POU6F2: variants seen among roughly 807,000 people sequenced by gnomAD.
The protein encoded by POU6F2 is POU domain, class 6, transcription factor 2.
In POU6F2, 31 loss-of-function variants were observed where a neutral mutation model predicts 71.3. The ratio of observed to expected loss-of-function variants is 0.43; its 90% confidence interval spans 0.33 to 0.59. POU6F2 has a LOEUF of 0.59. Among genes scored for constraint, POU6F2 ranks in the 20% least tolerant of loss-of-function variants. The pLI is 0.04. For synonymous variants in POU6F2, 347 were observed against 355.7 expected (o/e 0.98, Z 0.27); for missense variants, 783 against 856.8 (o/e 0.91, Z 1.07).
At chr7:39,374,404 G>A (rs369959838) in intron 5 of POU6F2, among the ~76,000 whole-genome samples, 10 of 152,258 alleles carry the variant, frequency 6.6e-5, no homozygotes, top group East Asian at 3.9e-4. Context: ...ATTTGGGTTC[G>A]CCTTTTCTTG....
At chr7:39,063,187 T>C (rs1790692439) in intron 1 of POU6F2, among the ~76,000 whole-genome samples, 1 of 152,130 alleles carries the variant, frequency 6.6e-6, no homozygotes, top group East Asian at 1.9e-4. Flanking sequence ...CAGAAGGTTT[T>C]AGAAAATTCT....
chr7:39,151,015 T>C (rs1792745868), intron 2 of POU6F2, among the ~76,000 whole-genome samples: 1 of 152,186 alleles, frequency 6.6e-6, no homozygotes, highest in African/African-American at 2.4e-5. Context: ...AATTTATTCT[T>C]GGTGAACTAT....
At chr7:39,105,706 C>G (rs1393109371) in intron 2 of POU6F2, among the ~76,000 whole-genome samples, 1 of 152,068 alleles carries the variant, frequency 6.6e-6, no homozygotes, top group Non-Finnish European at 1.5e-5. Flanking sequence ...CTAAAATGTG[C>G]TTAATTGCTA....
intron 6 of POU6F2, among the ~76,000 whole-genome samples, chr7:39,421,272 A>G (rs1328899014): frequency 6.6e-6 from 1 of 152,198 alleles, no homozygotes; most frequent in Non-Finnish European, 1.5e-5. Context: ...AAAAAGTAAT[A>G]TATGTTTGAG....
chr7:39,006,685 C>T lies in POU6F2; in HGVS notation c.105+28627C>T, dbSNP rs990841570. The stretch of plus-strand genomic sequence containing the variant: ...TCTGTCTGCCAAGTCCTGTAAAAAG[C>T]ATGTGTGTCATTTCAGCTGAGTTTT... On this transcript the variant is annotated intron_variant, in intron 1 of 9. Coordinates refer to ENST00000518318, the MANE Select transcript of POU6F2 (RefSeq NM_001370959.1). 7.3e-6 allele frequency: 5 copies of T among 682,912 alleles called. No homozygotes were observed. The African/African-American group carries it at 8.8e-5, about 12-fold the overall frequency. The allele number at this position is 682,912 out of a possible 1,614,324, so 42.3% of individuals were successfully genotyped here.
At chr7:39,144,202 C>T (rs1792566140) in intron 2 of POU6F2, among the ~76,000 whole-genome samples, 1 of 152,056 alleles carries the variant, frequency 6.6e-6, no homozygotes, top group Non-Finnish European at 1.5e-5. Context: ...TGAATAAAGT[C>T]ACAGGATAAA....
intron 4 of POU6F2, among the ~76,000 whole-genome samples, chr7:39,230,992 T>C (rs1209637393): frequency 6.6e-6 from 1 of 152,190 alleles, no homozygotes; most frequent in Non-Finnish European, 1.5e-5. Flanking sequence ...TTTTTGTTGT[T>C]GTAATTGGTG....
intron 7 of POU6F2, among the ~76,000 whole-genome samples, chr7:39,445,794 C>A (rs1287270090): frequency 6.6e-6 from 1 of 152,170 alleles, no homozygotes; most frequent in African/African-American, 2.4e-5. Flanking sequence ...ATTCATTATA[C>A]CCTCCTAGTT....
At chr7:39,142,035 G>A (rs62442228) in intron 2 of POU6F2, among the ~76,000 whole-genome samples, 16,990 of 152,004 alleles carry the variant, frequency 0.11, 1,032 homozygotes, top group Middle Eastern at 0.15. Context: ...TGCAGTGAGC[G>A]GAGATCGTGC....
intron 5 of POU6F2, among the ~76,000 whole-genome samples, chr7:39,355,401 A>G (rs777519669): frequency 3.3e-5 from 5 of 152,162 alleles, no homozygotes; most frequent in African/African-American, 4.8e-5. Flanking sequence ...AGATAGATCT[A>G]ATTGTACATA....
At position 39,238,641 on chromosome 7, in the gene POU6F2, GC is replaced by G. The variant is rs575939565; in HGVS notation, c.598+31022del. On this transcript the variant is annotated intron_variant, in intron 4 of 9. Transcript: ENST00000518318. ...TAATCCAAGTCAACAGCATTTGCAG[GC>G]AGTTCCCTTCCTCCTGATTGGAGGC... Among the ~76,000 whole-genome samples the G allele has an allele frequency of 6.0e-4, 92 of 152,266 alleles. 2 individuals carry two copies. In the South Asian group the frequency reaches 0.019, roughly 32 times the overall value.
chr7:39,406,730 C>T lies in POU6F2; in HGVS notation c.1103C>T (p.Ala368Val). 1.2e-6 allele frequency: 2 copies of T among 1,613,560 alleles called. No individual in the cohort carries two copies. The highest frequency in any genetic ancestry group is 1.7e-6 in the Non-Finnish European group (2 of 1,179,888). Residue 368 changes from alanine to valine, a missense_variant, in exon 6 of 10, where the codon GCA becomes GTA. Ala to Val is a moderately conservative substitution (Grantham distance 64). Transcript: ENST00000518318. ...QGVTGQLVTN[A>V]QGQIIGTIPL... ...GTCACAGGTCAACTAGTTACTAATG[C>T]ACAAGGACAGGTGAGTGGGAGATGG...
In POU6F2 at chr7:39,276,054, G is replaced by C. The variant is rs190818811; in HGVS notation, c.599-63588G>C. 2.1e-3 allele frequency among the ~76,000 whole-genome samples: 317 copies of C among 152,212 alleles called. 1 individual carries two copies. The highest frequency in any genetic ancestry group is 6.8e-3 in the African/African-American group (283 of 41,520). ...AACAAAAGCCAAAATTGACAAATGG[G>C]ATCTAATTAAACTAAAGAGCTTCTG... On this transcript the variant is annotated intron_variant, in intron 4 of 9. Coordinates refer to ENST00000518318, the MANE Select transcript of POU6F2 (RefSeq NM_001370959.1).
chr7:39,369,208 A>G (rs950630330), intron 5 of POU6F2, among the ~76,000 whole-genome samples: 1 of 152,214 alleles, frequency 6.6e-6, no homozygotes, highest in Non-Finnish European at 1.5e-5. Flanking sequence ...GAGAAGTTCT[A>G]CTGTGGGTAA....
intron 1 of POU6F2, among the ~76,000 whole-genome samples, chr7:39,046,620 C>T (rs1036941289): frequency 2.0e-5 from 3 of 151,846 alleles, no homozygotes; most frequent in African/African-American, 7.2e-5. Flanking sequence ...TATGTTGAGC[C>T]AGATAATTCT....
At chr7:39,102,382 C>A (rs373279093) in intron 2 of POU6F2, among the ~76,000 whole-genome samples, 3 of 152,256 alleles carry the variant, frequency 2.0e-5, no homozygotes, top group East Asian at 3.9e-4. Context: ...GCCATTTCCA[C>A]TGTTTGCCTA....
At chr7:39,068,748 G>A (rs1004825976) in intron 1 of POU6F2, among the ~76,000 whole-genome samples, 1 of 152,110 alleles carries the variant, frequency 6.6e-6, no homozygotes, top group Admixed American at 6.5e-5. Context: ...CTACAAAGCT[G>A]TGTATTGCTG....
At chr7:38,981,672 C>A (rs915090421) in intron 1 of POU6F2, among the ~76,000 whole-genome samples, 3 of 152,108 alleles carry the variant, frequency 2.0e-5, no homozygotes, top group Non-Finnish European at 4.4e-5. Flanking sequence ...AGAGAAGAGA[C>A]CACACATTCT....
intron 1 of POU6F2, among the ~76,000 whole-genome samples, chr7:39,074,941 C>G (rs1790968548): frequency 6.6e-6 from 1 of 152,150 alleles, no homozygotes; most frequent in Non-Finnish European, 1.5e-5. Context: ...TGTTATTACC[C>G]CATTTTCCTC....
Sources: allele counts gnomAD v4.1 joint callset (sites outside exome capture counted in the v4.1 genomes callset), GRCh38; gene constraint gnomAD v4.1.1; transcripts MANE v1.5; gene names NCBI Gene and HGNC (gene_info 2026-07-23, HGNC 2026-07-21).